AUH: variants seen among roughly 807,000 people sequenced by gnomAD.
The protein encoded by AUH is methylglutaconyl-CoA hydratase, mitochondrial.
Under a neutral mutation model 42.3 loss-of-function variants are expected in AUH, and 29 were observed. The ratio of observed to expected loss-of-function variants is 0.69; its 90% CI spans 0.51 to 0.93. AUH has a LOEUF of 0.93. Among genes scored for constraint, AUH ranks in the 40% least tolerant of loss-of-function variants. The pLI, the probability that AUH is intolerant of heterozygous loss-of-function variation, is 0.00. For synonymous variants in AUH, 174 were observed against 166.4 expected, an observed-to-expected ratio of 1.05 and a Z score of -0.35; for missense variants, 452 against 438.1, an observed-to-expected ratio of 1.03 and a Z score of -0.28.
intron 3 of AUH, among the ~76,000 whole-genome samples, chr9:91,331,997 T>C (rs1045992367): frequency 1.8e-4 from 27 of 152,258 alleles, no homozygotes; most frequent in African/African-American, 6.3e-4. Context: ...GTTCCTATTA[T>C]TGCTAAAAGA....
intron 6 of AUH, among the ~76,000 whole-genome samples, chr9:91,242,986 G>A (rs971265805): frequency 4.6e-5 from 7 of 152,074 alleles, no homozygotes; most frequent in Non-Finnish European, 8.8e-5. Context: ...TTATTAACAG[G>A]TAAATAACTA....
chr9:91,360,039 C>A (rs913302749), intron 1 of AUH, among the ~76,000 whole-genome samples: 3 of 151,382 alleles, frequency 2.0e-5, no homozygotes, highest in African/African-American at 7.3e-5. Flanking sequence ...AACCATGATA[C>A]CCAAAAAAAT....
intron 7 of AUH, chr9:91,218,833 CAT>C (rs1826968974): frequency 1.0e-6 from 1 of 985,310 alleles, no homozygotes; most frequent in Non-Finnish European, 1.2e-6. Context: ...AAGTAACAAA[CAT>C]AAAAATAAAG....
chr9:91,276,162 C>T (rs1379648024), intron 6 of AUH, among the ~76,000 whole-genome samples: 1 of 152,130 alleles, frequency 6.6e-6, no homozygotes, highest in Non-Finnish European at 1.5e-5. Flanking sequence ...AGCGCGGTGG[C>T]TCATGCCTAT....
chr9:91,245,006 A>G (rs1828716791), intron 6 of AUH, among the ~76,000 whole-genome samples: 1 of 152,232 alleles, frequency 6.6e-6, no homozygotes, highest in African/African-American at 2.4e-5. Context: ...CTATTTAGCT[A>G]GCTCACAACT....
intron 6 of AUH, among the ~76,000 whole-genome samples, chr9:91,226,064 C>A (rs1350063844): frequency 6.8e-6 from 1 of 147,132 alleles, no homozygotes; most frequent in Non-Finnish European, 1.5e-5. Context: ...GGGTATATAC[C>A]CAGTAATGGG....
intron 6 of AUH, among the ~76,000 whole-genome samples, chr9:91,271,626 G>T (rs979873921): frequency 3.9e-5 from 6 of 152,218 alleles, no homozygotes; most frequent in Admixed American, 1.3e-4. Context: ...TAGCCTTTCT[G>T]CATAATAAGA....
intron 3 of AUH, among the ~76,000 whole-genome samples, chr9:91,331,117 C>T (rs1044797237): frequency 3.9e-5 from 6 of 152,124 alleles, no homozygotes; most frequent in African/African-American, 1.4e-4. Flanking sequence ...CTTCAGAAGA[C>T]CTGCCTCCCA....
chr9:91,333,023 T>C (rs1830444469), intron 3 of AUH, among the ~76,000 whole-genome samples: 1 of 152,288 alleles, frequency 6.6e-6, no homozygotes, highest in African/African-American at 2.4e-5. Flanking sequence ...GCAGTAGATA[T>C]CAGCAGTGGA....
Position 91,338,346 on chromosome 9 carries a change from C to G in AUH, c.419-12942G>C, listed in dbSNP as rs575704413. 4.6e-5 allele frequency among the ~76,000 whole-genome samples: 7 copies of G among 152,320 alleles called. No homozygotes were observed. In the East Asian group the frequency reaches 1.4e-3, roughly 29 times the overall value. On this transcript the variant is annotated intron_variant, in intron 3 of 9. Transcript: ENST00000375731. ...ATGCAAACTATAGTAACACCTCCAT[C>G]CTGAAAAAGTCTCATAGATCCCTCA...
intron 4 of AUH, among the ~76,000 whole-genome samples, chr9:91,312,673 C>A (rs1343253615): frequency 3.3e-5 from 5 of 152,194 alleles, no homozygotes; most frequent in African/African-American, 4.8e-5. Context: ...CTGCAGTGAG[C>A]CGAGATCGTG....
intron 1 of AUH, 34 bp downstream of exon 1, chr9:91,361,594 G>T: frequency 6.4e-7 from 1 of 1,561,434 alleles, no homozygotes. Flanking sequence ...GCGGCCGCCC[G>T]CTGCCCCGCG....
intron 6 of AUH, among the ~76,000 whole-genome samples, chr9:91,291,866 A>G (rs1415302310): frequency 6.8e-6 from 1 of 147,640 alleles, no homozygotes; most frequent in East Asian, 2.0e-4. Context: ...AAAAGGTACC[A>G]TGAGCCAAGA....
intron 6 of AUH, among the ~76,000 whole-genome samples, chr9:91,275,617 C>T (rs942200645): frequency 2.6e-5 from 4 of 152,188 alleles, no homozygotes; most frequent in African/African-American, 9.7e-5. Flanking sequence ...TAAAAGTTTG[C>T]TCCTTTGTTT....
At position 91,355,461 on chromosome 9, in the gene AUH, G is replaced by A. The variant is rs544912444; in HGVS notation, c.418+422C>T. On this transcript the variant is annotated intron_variant, in intron 3 of 9. Coordinates refer to ENST00000375731, the MANE Select transcript of AUH (RefSeq NM_001698.3). ...AATCCCAGCTACTCGGGGGGCTGAG[G>A]CGGGAGAATCACTTGAACTGGGGAG... Among the ~76,000 whole-genome samples the A allele has an allele frequency of 5.3e-5, 8 of 152,224 alleles. No individual in the cohort carries two copies. The South Asian group carries it at 1.7e-3, about 32-fold the overall frequency.
rs758986306 is a variant in AUH at position 91,249,670 on chromosome 9, T to C, written c.656-28678A>G. ...CATGTTCAAAAAGGTATTCATCAAC[T>C]ACTGTTTGTGTTCATTTTAAACAAA... On this transcript the variant is annotated intron_variant, in intron 6 of 9. Coordinates refer to ENST00000375731, the MANE Select transcript of AUH (RefSeq NM_001698.3). Among the ~76,000 whole-genome samples, 5 of 152,350 alleles carry C rather than the reference T, an allele frequency of 3.3e-5. No homozygotes were observed. In the East Asian group the frequency reaches 9.6e-4, roughly 29 times the overall value.
At chr9:91,247,459 G>A (rs1167971054) in intron 6 of AUH, among the ~76,000 whole-genome samples, 1 of 151,922 alleles carries the variant, frequency 6.6e-6, no homozygotes, top group Non-Finnish European at 1.5e-5. Flanking sequence ...TCAATTCCCA[G>A]CCTCTCCATC....
At chr9:91,281,079 C>G (rs1825925858) in intron 6 of AUH, among the ~76,000 whole-genome samples, 1 of 151,922 alleles carries the variant, frequency 6.6e-6, no homozygotes, top group African/African-American at 2.4e-5. Flanking sequence ...AGTTTTCAAC[C>G]ATTATTTCTT....
At chr9:91,286,751 C>T (rs1206882548) in intron 6 of AUH, among the ~76,000 whole-genome samples, 2 of 151,538 alleles carry the variant, frequency 1.3e-5, no homozygotes, top group East Asian at 3.9e-4. Flanking sequence ...TATCTATCTA[C>T]CTATCTACCT....
Sources: allele counts gnomAD v4.1 joint callset (sites outside exome capture counted in the v4.1 genomes callset), GRCh38; gene constraint gnomAD v4.1.1; transcripts MANE v1.5; gene names NCBI Gene and HGNC (gene_info 2026-07-23, HGNC 2026-07-21).